Variants in CCDC91 observed in about 807,000 individuals in gnomAD.
CCDC91 encodes coiled-coil domain containing 91.
CCDC91 carries 48 observed loss-of-function variants against 63.2 expected under a neutral mutation model. The observed-to-expected ratio is 0.76, with a 90% CI of 0.60 to 0.97. The LOEUF is 0.97. Ranked by LOEUF, CCDC91 falls within the 50% of genes least tolerant of loss-of-function variation. The pLI is 0.00. For missense variants in CCDC91, 500 were observed against 494.6 expected (o/e 1.01, Z -0.10); for synonymous variants, 167 against 165.8 (o/e 1.01, Z -0.06).
intron 12 of CCDC91, among the ~76,000 whole-genome samples, chr12:28,530,047 A>G (rs1416415926): frequency 1.3e-5 from 2 of 152,168 alleles, no homozygotes; most frequent in Non-Finnish European, 2.9e-5. Flanking sequence ...ATTTTCCAAA[A>G]ATGGCCACAG....
intron 11 of CCDC91, among the ~76,000 whole-genome samples, chr12:28,459,543 T>TTATC (rs1302046829): frequency 6.6e-6 from 1 of 152,182 alleles, no homozygotes; most frequent in Admixed American, 6.5e-5. Context: ...TCGGATGTTA[T>TTATC]TATCCCCTTT....
At chr12:28,542,576 C>G (rs1287292082) in intron 12 of CCDC91, among the ~76,000 whole-genome samples, 2 of 152,014 alleles carry the variant, frequency 1.3e-5, no homozygotes, top group African/African-American at 4.8e-5. Context: ...AATTTTCTGA[C>G]GTTCAAAGTT....
At chr12:28,454,019 C>G (rs1949942843) in intron 11 of CCDC91, among the ~76,000 whole-genome samples, 1 of 152,100 alleles carries the variant, frequency 6.6e-6, no homozygotes, top group South Asian at 2.1e-4. Context: ...TGATACACTA[C>G]TTTGAAATTT....
intron 8 of CCDC91, among the ~76,000 whole-genome samples, chr12:28,408,599 G>A (rs1248218698): frequency 6.6e-6 from 1 of 152,070 alleles, no homozygotes; most frequent in Admixed American, 6.6e-5. Context: ...CTTTTGAGAA[G>A]TGTCTGTCCA....
At chr12:28,540,881 C>T (rs1396178538) in intron 12 of CCDC91, among the ~76,000 whole-genome samples, 1 of 152,062 alleles carries the variant, frequency 6.6e-6, no homozygotes, top group Admixed American at 6.6e-5. Flanking sequence ...ATTAGGCAGC[C>T]TTATGGAGAG....
intron 6 of CCDC91, among the ~76,000 whole-genome samples, chr12:28,320,916 T>G (rs188982852): frequency 9.1e-4 from 139 of 152,022 alleles, no homozygotes; most frequent in Non-Finnish European, 1.5e-3. Context: ...TGGTAAGAGT[T>G]GAAGAGCTGT....
In CCDC91 at chr12:28,350,182, A is replaced by G. The variant is rs80290641; in HGVS notation, c.577-12256A>G. On this transcript the variant is annotated intron_variant, in intron 6 of 12. Coordinates refer to ENST00000536442, the MANE Select transcript of CCDC91 (RefSeq NM_018318.5). ...CAAAACAAAACAAAACAAAACAGAAAACCTATACTCTTTTTCAGATATTTT... is the reference window on the plus strand; with the variant it reads ...CAAAACAAAACAAAACAAAACAGAAGACCTATACTCTTTTTCAGATATTTT... Among the ~76,000 whole-genome samples the G allele has an allele frequency of 3.2e-3, 483 of 152,330 alleles. 7 individuals carry two copies. Among genetic ancestry groups the G allele is most frequent in the African/African-American group, 0.011 (450 of 41,572 alleles).
At chr12:28,269,225 C>T (rs371801889) in intron 3 of CCDC91, among the ~76,000 whole-genome samples, 4 of 152,030 alleles carry the variant, frequency 2.6e-5, no homozygotes, top group East Asian at 1.9e-4. Flanking sequence ...GCTTCTTAAA[C>T]GGTGTCTCTA....
chr12:28,422,845 TC>T (rs1476946568), intron 8 of CCDC91, among the ~76,000 whole-genome samples: 2 of 152,142 alleles, frequency 1.3e-5, no homozygotes, highest in Non-Finnish European at 2.9e-5. Flanking sequence ...AGGGAAAGAA[TC>T]GTCCTACTCA....
At position 28,225,931 on chromosome 12, in the gene CCDC91, A is replaced by G. The variant is rs762960690; in HGVS notation, c.-14-31271A>G. The stretch of plus-strand genomic sequence containing the variant: ...CAGGTTTAAGGATGGGCAGATCACA[A>G]TCTCAAAATATTTTTGTCATCTTGC... On this transcript the variant is annotated intron_variant, in intron 1 of 12. Coordinates refer to ENST00000536442, the MANE Select transcript of CCDC91 (RefSeq NM_018318.5). 8 of 152,218 alleles carry G rather than the reference A, an allele frequency of 5.3e-5. 1 individual carries two copies. The highest frequency in any genetic ancestry group is 1.9e-4 in the African/African-American group (8 of 41,454). The allele number at this position is 152,218 out of a possible 1,614,324, so 9.4% of individuals were successfully genotyped here.
intron 7 of CCDC91, among the ~76,000 whole-genome samples, chr12:28,369,846 C>T (rs764578839): frequency 5.9e-5 from 9 of 152,184 alleles, no homozygotes; most frequent in Non-Finnish European, 1.0e-4. Context: ...GGCAATGGAC[C>T]GAGCTGTACC....
chr12:28,400,276 C>T (rs916697062), intron 8 of CCDC91, among the ~76,000 whole-genome samples: 1 of 152,102 alleles, frequency 6.6e-6, no homozygotes, highest in African/African-American at 2.4e-5. Context: ...TACGTTGGCC[C>T]CTTTTAGTCA....
chr12:28,423,754 A>C (rs1948147689), intron 8 of CCDC91, among the ~76,000 whole-genome samples: 1 of 152,150 alleles, frequency 6.6e-6, no homozygotes, highest in Non-Finnish European at 1.5e-5. Context: ...GTGAGTTTTC[A>C]AAGAAAATTT....
chr12:28,546,298 G>A (rs982349075), intron 12 of CCDC91, among the ~76,000 whole-genome samples: 1 of 152,002 alleles, frequency 6.6e-6, no homozygotes, highest in Admixed American at 6.6e-5. Context: ...CTGTAGTCTG[G>A]TCACTTCCTT....
intron 7 of CCDC91, among the ~76,000 whole-genome samples, chr12:28,363,818 A>T (rs534062875): frequency 6.7e-4 from 95 of 141,882 alleles, no homozygotes; most frequent in African/African-American, 2.3e-3. Context: ...CGGAGCTTGC[A>T]GTGAGCCGAG....
At chr12:28,226,704 T>G (rs1326163157) in intron 1 of CCDC91, among the ~76,000 whole-genome samples, 1 of 152,204 alleles carries the variant, frequency 6.6e-6, no homozygotes, top group Admixed American at 6.5e-5. Flanking sequence ...TAAAGTCCAT[T>G]CTGTATTAAT....
intron 1 of CCDC91, among the ~76,000 whole-genome samples, chr12:28,208,951 C>T (rs1943042510): frequency 6.6e-6 from 1 of 152,010 alleles, no homozygotes; most frequent in Admixed American, 6.6e-5. Flanking sequence ...CAGGTGCCTG[C>T]CACCATGCCC....
At chr12:28,357,954 A>G (rs1299983579) in intron 6 of CCDC91, among the ~76,000 whole-genome samples, 1 of 152,138 alleles carries the variant, frequency 6.6e-6, no homozygotes, top group Non-Finnish European at 1.5e-5. Flanking sequence ...ATTTGGCTGC[A>G]TATTCTTGAA....
Position 28,456,429 on chromosome 12 carries a change from A to C in CCDC91, c.1101+3775A>C, listed in dbSNP as rs147242528. On this transcript the variant is annotated intron_variant, in intron 11 of 12. Coordinates refer to ENST00000536442, the MANE Select transcript of CCDC91 (RefSeq NM_018318.5). ...ACTCAGTAAATTTTCATTTCATATA[A>C]GTCAATTTATATGAAATTCTAGGGA... 4.3e-3 allele frequency among the ~76,000 whole-genome samples: 662 copies of C among 152,268 alleles called. 1 individual carries two copies. The highest frequency in any genetic ancestry group is 7.5e-3 in the Non-Finnish European group (508 of 68,016).
Sources: allele counts gnomAD v4.1 joint callset (sites outside exome capture counted in the v4.1 genomes callset), GRCh38; gene constraint gnomAD v4.1.1; transcripts MANE v1.5; gene names NCBI Gene and HGNC (gene_info 2026-07-23, HGNC 2026-07-21).